Variants in EHBP1 observed in about 807,000 individuals in gnomAD.
The protein encoded by EHBP1 is EH domain binding protein 1.
Under a neutral mutation model 144.0 loss-of-function variants are expected in EHBP1, and 55 were observed. The observed-to-expected ratio is 0.38, with a 90% CI of 0.31 to 0.48. The LOEUF (loss-of-function observed/expected upper bound fraction) is 0.48. Ranked by LOEUF, EHBP1 falls within the 20% of genes least tolerant of loss-of-function variation. EHBP1 has a pLI of 0.98. For missense variants in EHBP1, 1,200 were observed against 1,364.2 expected, an observed-to-expected ratio of 0.88 and a Z score of 1.90; for synonymous variants, 469 against 472.7, an observed-to-expected ratio of 0.99 and a Z score of 0.10.
In EHBP1 at chr2:62,784,107, T is replaced by A. The variant is rs1213195312; in HGVS notation, c.312+12715T>A. 2.6e-5 allele frequency among the ~76,000 whole-genome samples: 4 copies of A among 152,286 alleles called. No individual in the cohort carries two copies. The East Asian group carries it at 7.7e-4, about 29-fold the overall frequency. On this transcript the variant is annotated intron_variant, in intron 5 of 22. Coordinates refer to ENST00000431489, the MANE Select transcript of EHBP1 (RefSeq NM_001142616.3). ...CCTTTACCCTTAAAATTAGGAAAAA[T>A]TTAGAAAAGTGGTCAAATGACATGA... is the stretch of plus-strand genomic sequence containing the variant.
At chr2:62,911,837 T>G (rs2152978797) in intron 10 of EHBP1, among the ~76,000 whole-genome samples, 1 of 152,248 alleles carries the variant, frequency 6.6e-6, no homozygotes. Context: ...TCATGATGTT[T>G]GCCATGGATA....
intron 6 of EHBP1, among the ~76,000 whole-genome samples, chr2:62,827,698 C>A (rs187127531): frequency 1.3e-5 from 2 of 151,130 alleles, no homozygotes; most frequent in Admixed American, 6.6e-5. Context: ...GACAGAGTCT[C>A]GCTCTGTCAC....
intron 21 of EHBP1, among the ~76,000 whole-genome samples, chr2:63,043,388 A>G (rs941855162): frequency 3.3e-5 from 5 of 152,238 alleles, no homozygotes; most frequent in African/African-American, 1.2e-4. Flanking sequence ...TTTTTAAAAT[A>G]AAAATGTAAT....
chr2:62,756,493 G>A (rs556615649), intron 3 of EHBP1, among the ~76,000 whole-genome samples: 18 of 152,252 alleles, frequency 1.2e-4, no homozygotes, highest in South Asian at 2.1e-4. Flanking sequence ...TTTAGGCTGC[G>A]CGTGTTGGCT....
At chr2:62,969,762 T>C (rs2058414502) in intron 14 of EHBP1, among the ~76,000 whole-genome samples, 1 of 151,956 alleles carries the variant, frequency 6.6e-6, no homozygotes, top group Non-Finnish European at 1.5e-5. Context: ...AGGCTGATTT[T>C]TTTCTTTCTT....
intron 11 of EHBP1, among the ~76,000 whole-genome samples, chr2:62,943,485 C>G (rs2056893111): frequency 6.6e-6 from 1 of 151,764 alleles, no homozygotes. Context: ...GACAAATAAG[C>G]CTGTAATTCT....
At chr2:62,865,687 G>T (rs915455679) in intron 9 of EHBP1, among the ~76,000 whole-genome samples, 1 of 152,110 alleles carries the variant, frequency 6.6e-6, no homozygotes, top group Non-Finnish European at 1.5e-5. Flanking sequence ...GAAACAATAG[G>T]ATTCAGACAT....
rs570715468 is a variant in EHBP1, at chr2:62,773,850, C to CAAAAAAAAAA, written c.312+2484_312+2493dup. ...TAGGTGATACAGCAAGACTCCATCT[C>CAAAAAAAAAA]AAAAAAAAAAAAAAAAAAAAAAAAA... On this transcript the variant is annotated intron_variant, in intron 5 of 22. Coordinates refer to ENST00000431489, the MANE Select transcript of EHBP1 (RefSeq NM_001142616.3). 1.9e-3 allele frequency among the ~76,000 whole-genome samples: 79 copies of CAAAAAAAAAA among 41,538 alleles called. 1 individual carries two copies. Among genetic ancestry groups the CAAAAAAAAAA allele is most frequent in the Middle Eastern group, 0.014 (1 of 74 alleles). 27.3% of individuals were successfully genotyped at this position (41,538 alleles called of 152,430 possible). A position where few individuals can be genotyped will look rare whatever the true frequency, so the allele number is the denominator to read the frequency against.
chr2:62,947,921 T>C (rs1175876311), intron 12 of EHBP1, among the ~76,000 whole-genome samples: 1 of 152,200 alleles, frequency 6.6e-6, no homozygotes, highest in Admixed American at 6.5e-5. Flanking sequence ...AAAGAGAGGT[T>C]GATAGAAATG....
At chr2:62,923,839 G>A (rs2055285131) in intron 10 of EHBP1, among the ~76,000 whole-genome samples, 1 of 152,196 alleles carries the variant, frequency 6.6e-6, no homozygotes. Context: ...AAACAGTCCT[G>A]TGGGCCACAC....
At chr2:62,816,867 T>TAAA (rs2045489226) in intron 5 of EHBP1, among the ~76,000 whole-genome samples, 1 of 152,206 alleles carries the variant, frequency 6.6e-6, no homozygotes, top group South Asian at 2.1e-4. Context: ...ATACCTATTT[T>TAAA]GCTCCATTTC....
At chr2:62,895,647 G>T (rs1407779077) in intron 10 of EHBP1, among the ~76,000 whole-genome samples, 3 of 152,176 alleles carry the variant, frequency 2.0e-5, no homozygotes, top group Admixed American at 2.0e-4. Flanking sequence ...TTTGAAGACA[G>T]TATGTGACAG....
intron 7 of EHBP1, among the ~76,000 whole-genome samples, chr2:62,837,776 AAAAG>A (rs2047409994): frequency 6.6e-6 from 1 of 152,200 alleles, no homozygotes; most frequent in South Asian, 2.1e-4. Flanking sequence ...GATCAATTCA[AAAAG>A]AAGAGCTAAT....
chr2:63,026,438 T>C (rs546077706), intron 19 of EHBP1, among the ~76,000 whole-genome samples: 1 of 152,260 alleles, frequency 6.6e-6, no homozygotes, highest in South Asian at 2.1e-4. Flanking sequence ...CTGGCACTAT[T>C]CTAAGTGCTT....
intron 10 of EHBP1, among the ~76,000 whole-genome samples, chr2:62,900,376 G>A (rs975814710): frequency 3.3e-5 from 5 of 152,068 alleles, no homozygotes; most frequent in African/African-American, 1.2e-4. Flanking sequence ...TCTTTGGGAG[G>A]CTAAGGCAAT....
At chr2:63,001,121 C>T (rs1394350735) in intron 19 of EHBP1, among the ~76,000 whole-genome samples, 1 of 152,076 alleles carries the variant, frequency 6.6e-6, no homozygotes, top group Non-Finnish European at 1.5e-5. Context: ...AATCTGTTTT[C>T]TTTTAATGGT....
chr2:62,954,406 T>C, intron 13 of EHBP1, among the ~76,000 whole-genome samples: 1 of 152,228 alleles, frequency 6.6e-6, no homozygotes, highest in Non-Finnish European at 1.5e-5. Flanking sequence ...TACATTTTAT[T>C]TGTATCTATT....
chr2:62,893,711 G>A (rs1399231255), intron 10 of EHBP1, among the ~76,000 whole-genome samples: 8 of 152,084 alleles, frequency 5.3e-5, no homozygotes, highest in Non-Finnish European at 4.4e-5. Context: ...CAGGTTTGGA[G>A]GTGGGTATAG....
chr2:62,850,250 A>G (rs2048585915), intron 7 of EHBP1, among the ~76,000 whole-genome samples: 1 of 152,224 alleles, frequency 6.6e-6, no homozygotes, highest in Admixed American at 6.5e-5. Context: ...TATAATTTAG[A>G]GAATAACGAA....
Sources: gnomAD v4.1 joint callset for allele counts (sites outside exome capture counted in the v4.1 genomes callset) on GRCh38, gnomAD v4.1.1 for gene constraint, MANE v1.5 for transcripts, NCBI Gene and HGNC (gene_info 2026-07-23, HGNC 2026-07-21) for gene names.